The following LIX1 variants were observed in gnomAD, a reference collection of about 807,000 sequenced individuals.
LIX1 encodes protein limb expression 1 homolog.
Under a neutral mutation model 33.4 loss-of-function variants are expected in LIX1, and 24 were observed. That is an observed-to-expected ratio of 0.72 (90% CI 0.52 to 1.01). The LOEUF (loss-of-function observed/expected upper bound fraction) is 1.01. Ranked by LOEUF, LIX1 falls within the 50% of genes least tolerant of loss-of-function variation. The pLI, the probability that LIX1 is intolerant of heterozygous loss-of-function variation, is 0.00. For synonymous variants in LIX1, 124 were observed against 124.0 expected, an observed-to-expected ratio of 1.00 and a Z score of 0.00; for missense variants, 311 against 339.2, an observed-to-expected ratio of 0.92 and a Z score of 0.65.
chr5:97,107,047 C>G (rs1022589528), intron 3 of LIX1, among the ~76,000 whole-genome samples: 1 of 152,152 alleles, frequency 6.6e-6, no homozygotes, highest in Non-Finnish European at 1.5e-5. Context: ...TATGCGTTCT[C>G]AGGCCCTAAA....
At chr5:97,125,565 C>T (rs1281849697) in intron 1 of LIX1, among the ~76,000 whole-genome samples, 1 of 152,194 alleles carries the variant, frequency 6.6e-6, no homozygotes, top group African/African-American at 2.4e-5. Flanking sequence ...TGAAAAGGTC[C>T]TTGTAGGAGT....
At chr5:97,125,024 G>T (rs1204284506) in intron 1 of LIX1, among the ~76,000 whole-genome samples, 1 of 152,114 alleles carries the variant, frequency 6.6e-6, no homozygotes, top group Non-Finnish European at 1.5e-5. Context: ...ATCCAGAGCT[G>T]TGATTATCTG....
intron 1 of LIX1, among the ~76,000 whole-genome samples, chr5:97,140,532 G>C (rs1381019630): frequency 6.6e-6 from 1 of 152,156 alleles, no homozygotes; most frequent in African/African-American, 2.4e-5. Context: ...CAACTTATGG[G>C]TATGCCAAAG....
chr5:97,124,774 T>A (rs1747876540), intron 1 of LIX1, 145 bp from the exon 2 acceptor site: 3 of 470,190 alleles, frequency 6.4e-6, no homozygotes, highest in Middle Eastern at 1.1e-3. Flanking sequence ...GTGGAGGGGC[T>A]TTTAGCTGTG....
At chr5:97,122,750 G>A (rs2112786641) in intron 2 of LIX1, among the ~76,000 whole-genome samples, 1 of 152,244 alleles carries the variant, frequency 6.6e-6, no homozygotes, top group South Asian at 2.1e-4. Flanking sequence ...CTCCCCGCTG[G>A]ACAATAGGCA....
Position 97,127,163 on chromosome 5 carries a change from C to T in LIX1, c.83-2534G>A, listed in dbSNP as rs182785379. Among the ~76,000 whole-genome samples the T allele has an allele frequency of 2.8e-3, 420 of 152,244 alleles. 1 individual carries two copies. Among genetic ancestry groups the T allele is most frequent in the Non-Finnish European group, 4.6e-3 (312 of 68,030 alleles). On this transcript the variant is annotated intron_variant, in intron 1 of 5. Coordinates refer to ENST00000274382, the MANE Select transcript of LIX1 (RefSeq NM_153234.5). ...TAACTAATGCCAGTAGCCTGTTACT[C>T]TTCTTGTCAACAAGGACTATTAGCC...
At chr5:97,104,884 G>T (rs73775654) in intron 4 of LIX1, among the ~76,000 whole-genome samples, 1,686 of 152,212 alleles carry the variant, frequency 0.011, 25 homozygotes, top group African/African-American at 0.039. Flanking sequence ...TGTTATCATT[G>T]GTTTAGTGGG....
At chr5:97,099,120 A>T (rs577910370) in intron 4 of LIX1, among the ~76,000 whole-genome samples, 41 of 133,760 alleles carry the variant, frequency 3.1e-4, no homozygotes, top group African/African-American at 1.3e-3. Context: ...TCCTCGGTCC[A>T]GTGCCCAGGG....
chr5:97,119,853 GCAAAAA>G (rs546808694), intron 2 of LIX1, among the ~76,000 whole-genome samples: 3 of 151,656 alleles, frequency 2.0e-5, no homozygotes, highest in African/African-American at 4.8e-5. Context: ...TCTCCGGGTA[GCAAAAA>G]CAAAAACAAA....
At chr5:97,127,837 T>C (rs1026450060) in intron 1 of LIX1, among the ~76,000 whole-genome samples, 3 of 152,212 alleles carry the variant, frequency 2.0e-5, no homozygotes, top group African/African-American at 7.2e-5. Flanking sequence ...AAGTGTGCAA[T>C]ATCCATCCCT....
At chr5:97,098,510 A>G (rs1746509000) in intron 4 of LIX1, among the ~76,000 whole-genome samples, 1 of 152,194 alleles carries the variant, frequency 6.6e-6, no homozygotes, top group Non-Finnish European at 1.5e-5. Flanking sequence ...TTGAAAAATA[A>G]CTCTATATGA....
intron 2 of LIX1, among the ~76,000 whole-genome samples, chr5:97,114,484 A>G (rs1747578956): frequency 6.6e-6 from 1 of 152,240 alleles, no homozygotes; most frequent in South Asian, 2.1e-4. Flanking sequence ...TATAGGGTAC[A>G]CTATAAAGAT....
intron 2 of LIX1, among the ~76,000 whole-genome samples, chr5:97,116,841 CA>C (rs969148742): frequency 2.6e-4 from 39 of 152,098 alleles, no homozygotes; most frequent in African/African-American, 9.2e-4. Flanking sequence ...CTTCCCCACT[CA>C]GCAACTCACT....
At chr5:97,132,595 C>T (rs965197943) in intron 1 of LIX1, among the ~76,000 whole-genome samples, 1 of 152,130 alleles carries the variant, frequency 6.6e-6, no homozygotes, top group Non-Finnish European at 1.5e-5. Flanking sequence ...GAGGACTTAG[C>T]TTCTTTTAAT....
chr5:97,115,643 G>A (rs2112779214), intron 2 of LIX1, among the ~76,000 whole-genome samples: 1 of 151,978 alleles, frequency 6.6e-6, no homozygotes, highest in Non-Finnish European at 1.5e-5. Flanking sequence ...AAAGACATCA[G>A]GAGAAAAATG....
chr5:97,096,397 TCTC>T (rs1267172722), intron 5 of LIX1, among the ~76,000 whole-genome samples: 1 of 152,130 alleles, frequency 6.6e-6, no homozygotes, highest in Non-Finnish European at 1.5e-5. Flanking sequence ...GAAATACTCT[TCTC>T]CTACCACCAA....
At chr5:97,120,412 C>T (rs1245055164) in intron 2 of LIX1, among the ~76,000 whole-genome samples, 1 of 152,132 alleles carries the variant, frequency 6.6e-6, no homozygotes, top group Non-Finnish European at 1.5e-5. Context: ...ACTTACATTT[C>T]AGTAAAGGGA....
chr5:97,107,564 A>C, intron 2 of LIX1, 64 bp from the exon 3 acceptor site: 1 of 1,517,548 alleles, frequency 6.6e-7, no homozygotes, highest in South Asian at 1.1e-5. Flanking sequence ...CCACTCCTGC[A>C]TCAATGGGTC....
chr5:97,107,639 C>T (rs1193929735), intron 2 of LIX1, 139 bp from the exon 3 acceptor site: 1 of 884,782 alleles, frequency 1.1e-6, no homozygotes, highest in Non-Finnish European at 1.7e-6. Flanking sequence ...TTGCTAATTT[C>T]CCTGAAGGTC....
Sources: gnomAD v4.1 joint callset for allele counts (sites outside exome capture counted in the v4.1 genomes callset) on GRCh38, gnomAD v4.1.1 for gene constraint, MANE v1.5 for transcripts, NCBI Gene and HGNC (gene_info 2026-07-23, HGNC 2026-07-21) for gene names.